The following PTDSS2 variants were observed in gnomAD, a reference collection of about 807,000 sequenced individuals.
The protein encoded by PTDSS2 is phosphatidylserine synthase 2, also known as PSS-2.
In PTDSS2, 41 loss-of-function variants were observed where a neutral mutation model predicts 64.7. The observed-to-expected ratio is 0.63, with a 90% CI of 0.49 to 0.82. The LOEUF is 0.82. Among genes scored for constraint, PTDSS2 ranks in the 40% least tolerant of loss-of-function variants. The pLI, the probability that PTDSS2 is intolerant of heterozygous loss-of-function variation, is 0.00. For missense variants in PTDSS2, 485 were observed against 650.0 expected (o/e 0.75, Z 2.76); for synonymous variants, 297 against 277.8 (o/e 1.07, Z -0.69).
intron 2 of PTDSS2, 126 bp from the exon 3 acceptor site, chr11:473,769 C>A: frequency 1.3e-6 from 1 of 767,142 alleles, no homozygotes; most frequent in Non-Finnish European, 2.3e-6. Flanking sequence ...CTGCCCGAGG[C>A]CCCTTCCTCC....
At chr11:488,858 G>C (rs1358911850) in intron 8 of PTDSS2, among the ~76,000 whole-genome samples, 3 of 152,206 alleles carry the variant, frequency 2.0e-5, no homozygotes, top group Non-Finnish European at 4.4e-5. Context: ...TCTGACCCAC[G>C]TACCTCCCTC....
Position 490,976 on chromosome 11 carries a change from G to A in PTDSS2, c.*394G>A, listed in dbSNP as rs529664391. 1.8e-4 allele frequency: 38 copies of A among 211,804 alleles called. No homozygotes were observed. The highest frequency in any genetic ancestry group is 1.1e-3 in the Admixed American group (22 of 19,204). The allele number at this position is 211,804 out of a possible 1,614,324, so 13.1% of individuals were successfully genotyped here. On this transcript the variant is annotated 3_prime_UTR_variant, in exon 12 of 12. Coordinates refer to ENST00000308020, the MANE Select transcript of PTDSS2 (RefSeq NM_030783.3). ...CCCTTTCTGCCTGGTCAGCCCCGTG[G>A]CCTCTGGCCCACCAAGCTCCCTGTC... is the stretch of plus-strand genomic sequence containing the variant.
chr11:474,650 C>A (rs1019247418), intron 3 of PTDSS2, among the ~76,000 whole-genome samples: 1 of 152,222 alleles, frequency 6.6e-6, no homozygotes, highest in African/African-American at 2.4e-5. Flanking sequence ...CAAGTCCCAC[C>A]CCAGGAAGGC....
At chr11:474,808 C>T (rs569299442) in intron 3 of PTDSS2, among the ~76,000 whole-genome samples, 23 of 152,336 alleles carry the variant, frequency 1.5e-4, no homozygotes, top group Non-Finnish European at 2.1e-4. Context: ...CAAATAATAA[C>T]CACTGTTAAA....
intron 3 of PTDSS2, among the ~76,000 whole-genome samples, chr11:478,606 G>T (rs569311933): frequency 6.6e-6 from 1 of 152,016 alleles, no homozygotes; most frequent in African/African-American, 2.4e-5. Context: ...AATTAGCCGG[G>T]TGTGCTGGAC....
At chr11:480,868 G>T (rs1016448228) in intron 4 of PTDSS2, among the ~76,000 whole-genome samples, 1 of 152,180 alleles carries the variant, frequency 6.6e-6, no homozygotes, top group Non-Finnish European at 1.5e-5. Context: ...GGATCACAAG[G>T]TCAGGAGATG....
intron 2 of PTDSS2, among the ~76,000 whole-genome samples, chr11:468,233 G>A (rs764990631): frequency 2.1e-4 from 32 of 152,192 alleles, no homozygotes; most frequent in South Asian, 8.3e-4. Context: ...TGAGAAGGCC[G>A]CGCACTGTGA....
chr11:451,779 T>TC (rs1846342017), intron 1 of PTDSS2, among the ~76,000 whole-genome samples: 1 of 152,076 alleles, frequency 6.6e-6, no homozygotes, highest in Admixed American at 6.5e-5. Context: ...AGAGAGACTG[T>TC]CCAAGTGGTG....
rs375985152 is a variant in PTDSS2, at chr11:490,088, G to A, written c.1301+20G>A. 5.2e-5 allele frequency: 82 copies of A among 1,588,858 alleles called. No individual in the cohort carries two copies. The highest frequency in any genetic ancestry group is 3.3e-4 in the Middle Eastern group (2 of 5,998). On this transcript the variant is annotated intron_variant, in intron 11 of 11. Coordinates refer to ENST00000308020, the MANE Select transcript of PTDSS2 (RefSeq NM_030783.3). Reference sequence around the variant, plus strand: ...CCTGCGGTGAGTCAGGGCAGGGCGCGTATGTTCTGAAGGAGGGCCGCTGTC... The same window carrying A: ...CCTGCGGTGAGTCAGGGCAGGGCGCATATGTTCTGAAGGAGGGCCGCTGTC...
rs1385704649 is a variant in PTDSS2 at position 462,599 on chromosome 11, C to G, written c.284+2311C>G. Among the ~76,000 whole-genome samples the G allele has an allele frequency of 6.6e-6, 1 of 152,176 alleles. No homozygotes were observed. Among genetic ancestry groups the G allele is most frequent in the African/African-American group, 2.4e-5 (1 of 41,448 alleles). On this transcript the variant is annotated intron_variant, in intron 2 of 11. Transcript: ENST00000308020. The surrounding 1 kb of genome is among the most constrained non-coding windows in gnomAD (Gnocchi z 4.5). ...TGCCCCAGGTCACCCTGGCACTGAC[C>G]GTGGCTCTGTGGCTCCTTCCAGTGA...
rs1295791646 is a variant in PTDSS2 at position 486,924 on chromosome 11, G to C, written c.436-15G>C. ...ACTAACTGTAGCCCCGCTGACGGGGGCACTGGCCTTGCAGACTGTCCAGGA... is the reference window on the plus strand; with the variant it reads ...ACTAACTGTAGCCCCGCTGACGGGGCCACTGGCCTTGCAGACTGTCCAGGA... On this transcript the variant is annotated splice_polypyrimidine_tract_variant and intron_variant, in intron 4 of 11. Transcript: ENST00000308020. 1.2e-6 allele frequency: 2 copies of C among 1,600,906 alleles called. No homozygotes were observed. The highest frequency in any genetic ancestry group is 8.5e-7 in the Non-Finnish European group (1 of 1,172,990).
intron 3 of PTDSS2, among the ~76,000 whole-genome samples, chr11:477,467 A>G (rs1216944545): frequency 6.6e-6 from 1 of 152,176 alleles, no homozygotes; most frequent in Non-Finnish European, 1.5e-5. Context: ...CGACCCAGGA[A>G]TGCAGACCAA....
At chr11:457,418 G>T (rs1026308025) in intron 1 of PTDSS2, among the ~76,000 whole-genome samples, 1 of 152,250 alleles carries the variant, frequency 6.6e-6, no homozygotes, top group African/African-American at 2.4e-5. Context: ...CGTCTGTAGC[G>T]TGTTTTTCTT....
Position 464,779 on chromosome 11 carries a change from A to G in PTDSS2, c.284+4491A>G, listed in dbSNP as rs985072297. Among the ~76,000 whole-genome samples, 6 of 152,368 alleles carry G rather than the reference A, an allele frequency of 3.9e-5. No individual in the cohort carries two copies. The South Asian group carries it at 6.2e-4, about 16-fold the overall frequency. On this transcript the variant is annotated intron_variant, in intron 2 of 11. Transcript: ENST00000308020. Reference sequence around the variant, plus strand: ...TTTTATCCCATTTTAAACTTAGTAAATTAAACCTCTTCACACATTTTACTC... The same window carrying G: ...TTTTATCCCATTTTAAACTTAGTAAGTTAAACCTCTTCACACATTTTACTC...
At chr11:459,035 G>A (rs1174762908) in intron 1 of PTDSS2, 1 of 149,152 alleles carries the variant, frequency 6.7e-6, no homozygotes, top group Non-Finnish European at 1.5e-5. Flanking sequence ...AGTGGATGTA[G>A]GACCTGGGTT....
At position 461,356 on chromosome 11, in the gene PTDSS2, C is replaced by A. The variant is rs1488756522; in HGVS notation, c.284+1068C>A. On this transcript the variant is annotated intron_variant, in intron 2 of 11. Coordinates refer to ENST00000308020, the MANE Select transcript of PTDSS2 (RefSeq NM_030783.3). The surrounding 1 kb of genome is among the most constrained non-coding windows in gnomAD (Gnocchi z 4.2). ...AACACAAGCATGCCCAGTGCCCTGTCTGTAGGGGAGCGGATGCTTTAGAAT... is the reference window on the plus strand; with the variant it reads ...AACACAAGCATGCCCAGTGCCCTGTATGTAGGGGAGCGGATGCTTTAGAAT... 6.6e-6 allele frequency among the ~76,000 whole-genome samples: 1 copy of A among 152,192 alleles called. No individual in the cohort carries two copies. Among genetic ancestry groups the A allele is most frequent in the Non-Finnish European group, 1.5e-5 (1 of 68,026 alleles).
At chr11:466,286 G>T (rs916046241) in intron 2 of PTDSS2, among the ~76,000 whole-genome samples, 6 of 152,130 alleles carry the variant, frequency 3.9e-5, no homozygotes, top group African/African-American at 1.4e-4. Context: ...GTTCCGAATT[G>T]CTGGGGAGGC....
chr11:488,347 C>A, intron 7 of PTDSS2, 35 bp downstream of exon 7: 2 of 1,547,068 alleles, frequency 1.3e-6, no homozygotes, highest in Non-Finnish European at 1.8e-6. Context: ...GCAGTCGGTG[C>A]AGGCTGAGGG....
rs1370668670 is a variant in PTDSS2, at chr11:491,196, C to T, written c.*614C>T. On this transcript the variant is annotated 3_prime_UTR_variant, in exon 12 of 12. Transcript: ENST00000308020. ...CCAGGCAGCGATGCTGAGCCACCTC[C>T]TCCGAGCCTTCCTTTCACACAGACC... is the stretch of plus-strand genomic sequence containing the variant. 1 of 154,568 alleles carries T rather than the reference C, an allele frequency of 6.5e-6. No individual in the cohort carries two copies. The highest frequency in any genetic ancestry group is 2.4e-5 in the African/African-American group (1 of 41,484). The allele number at this position is 154,568 out of a possible 1,614,324, so 9.6% of individuals were successfully genotyped here. A position where few individuals can be genotyped will look rare whatever the true frequency, so the allele number is the denominator to read the frequency against.
Sources: gnomAD v4.1 joint callset for allele counts (sites outside exome capture counted in the v4.1 genomes callset) on GRCh38, gnomAD v4.1.1 for gene constraint, Gnocchi (gnomAD v3.1) non-coding constraint, MANE v1.5 for transcripts, NCBI Gene and HGNC (gene_info 2026-07-23, HGNC 2026-07-21) for gene names.